Variants in LDHC observed in about 807,000 individuals in gnomAD.
LDHC encodes the protein L-lactate dehydrogenase C chain.
A neutral mutation model predicts 30.2 loss-of-function variants in LDHC; 20 were observed. The ratio of observed to expected loss-of-function variants is 0.66; its 90% CI spans 0.47 to 0.96. The LOEUF is 0.96. Among genes scored for constraint, LDHC ranks in the 40% least tolerant of loss-of-function variants. The pLI is 0.00. For synonymous variants in LDHC, 139 were observed against 132.7 expected, an observed-to-expected ratio of 1.05 and a Z score of -0.32; for missense variants, 362 against 394.9, an observed-to-expected ratio of 0.92 and a Z score of 0.71.
intron 3 of LDHC, among the ~76,000 whole-genome samples, chr11:18,415,540 T>C (rs1385147641): frequency 6.6e-6 from 1 of 152,198 alleles, no homozygotes; most frequent in Non-Finnish European, 1.5e-5. Flanking sequence ...CAAGTGATTC[T>C]CCTGCCTCGG....
rs559881652 is a variant in LDHC, at chr11:18,451,538, A to G, written c.*411A>G. ...ATATTCACTTCATTACATTAGCGTC[A>G]TATGTTTATGTATAATCATTATAAA... On this transcript the variant is annotated 3_prime_UTR_variant, in exon 8 of 8. Transcript: ENST00000541669. 1 of 152,712 alleles carries G rather than the reference A, an allele frequency of 6.5e-6. No individual in the cohort carries two copies. The highest frequency in any genetic ancestry group is 1.5e-5 in the Non-Finnish European group (1 of 68,440). The allele number at this position is 152,712 out of a possible 1,614,324, so 9.5% of individuals were successfully genotyped here.
intron 3 of LDHC, among the ~76,000 whole-genome samples, chr11:18,428,403 G>A (rs1022048145): frequency 4.0e-5 from 6 of 151,360 alleles, no homozygotes; most frequent in East Asian, 2.0e-4. Flanking sequence ...CAAGTGATCC[G>A]CCAGCCTCAG....
chr11:18,440,768 A>G (rs571283722), intron 6 of LDHC, among the ~76,000 whole-genome samples: 2 of 125,550 alleles, frequency 1.6e-5, no homozygotes, highest in Non-Finnish European at 3.3e-5. Context: ...GTCTCCACAA[A>G]AAATTTTAAA....
At chr11:18,426,134 G>A (rs1848158870) in intron 3 of LDHC, among the ~76,000 whole-genome samples, 1 of 151,744 alleles carries the variant, frequency 6.6e-6, no homozygotes, top group Admixed American at 6.6e-5. Context: ...TCTTGATTCA[G>A]CTTCCTAAGT....
At position 18,446,330 on chromosome 11, in the gene LDHC, TA is replaced by T; in HGVS notation, c.833del (p.Lys278ArgfsTer6). 1 of 1,601,338 alleles carries T rather than the reference TA, an allele frequency of 6.2e-7. No homozygotes were observed. Among genetic ancestry groups the T allele is most frequent in the Non-Finnish European group, 8.6e-7 (1 of 1,168,782 alleles). On this transcript the variant is annotated frameshift_variant and splice_region_variant, in exon 7 of 8. Coordinates refer to ENST00000541669, the MANE Select transcript of LDHC (RefSeq NM_017448.5). LOFTEE classifies it low-confidence loss of function (END_TRUNC). The stretch of plus-strand genomic sequence containing the variant: ...GAGTGCACCCAGTTTCCACCATGGT[TA>T]AGGTAGGCTTAAATTAAATCTTCAT... ...RRVHPVSTMV[K>X]GLYGIKEELF...
intron 3 of LDHC, among the ~76,000 whole-genome samples, chr11:18,416,482 T>C (rs1183005883): frequency 2.0e-5 from 3 of 152,224 alleles, no homozygotes; most frequent in Non-Finnish European, 4.4e-5. Context: ...AGCCCTCTTA[T>C]CTAACATGAT....
chr11:18,419,911 G>C (rs1213186509), intron 3 of LDHC, among the ~76,000 whole-genome samples: 1 of 152,108 alleles, frequency 6.6e-6, no homozygotes, highest in Non-Finnish European at 1.5e-5. Context: ...GGCCAACATG[G>C]TGAAAACCTG....
intron 7 of LDHC, among the ~76,000 whole-genome samples, chr11:18,447,482 CGGGAGT>C (rs1323036987): frequency 3.3e-5 from 5 of 151,752 alleles, no homozygotes; most frequent in African/African-American, 1.2e-4. Context: ...AGTAGGATAA[CGGGAGT>C]GGGAGCAGAA....
At chr11:18,441,484 T>C (rs1848465293) in intron 6 of LDHC, among the ~76,000 whole-genome samples, 1 of 151,868 alleles carries the variant, frequency 6.6e-6, no homozygotes, top group African/African-American at 2.4e-5. Context: ...AATTTTTGTA[T>C]TTTTAGTAGA....
rs762476748 is a variant in LDHC, at chr11:18,438,614, T to G, written c.679T>G (p.Trp227Gly). Reference protein sequence around the residue: ...KLGTDSDKEHWKNIHKQVIQS... With the variant: ...KLGTDSDKEHGKNIHKQVIQS... ...AGGAACGGATTCAGATAAGGAACAC[T>G]GGAAAAATATCCATAAACAAGTTAT... Residue 227 changes from tryptophan (W) to glycine (G), a missense_variant, in exon 6 of 8, where the codon TGG (tryptophan) becomes GGG (glycine). Transcript: ENST00000541669. 1.9e-6 allele frequency: 3 copies of G among 1,607,572 alleles called. No homozygotes were observed. The South Asian group carries it at 3.3e-5, about 18-fold the overall frequency.
chr11:18,447,029 G>A (rs774708286), intron 7 of LDHC, among the ~76,000 whole-genome samples: 1 of 152,110 alleles, frequency 6.6e-6, no homozygotes, highest in Non-Finnish European at 1.5e-5. Context: ...ATAGTTGTAG[G>A]CATTACCCCT....
At chr11:18,426,094 C>T (rs1326903585) in intron 3 of LDHC, among the ~76,000 whole-genome samples, 3 of 151,486 alleles carry the variant, frequency 2.0e-5, no homozygotes, top group Non-Finnish European at 4.4e-5. Context: ...CAGTGCACTG[C>T]AGCCTCTAAC....
At chr11:18,441,458 G>A (rs577128889) in intron 6 of LDHC, among the ~76,000 whole-genome samples, 143 of 151,864 alleles carry the variant, frequency 9.4e-4, no homozygotes, top group Non-Finnish European at 1.8e-3. Flanking sequence ...ACAAGCACGC[G>A]CCACCATGCT....
chr11:18,444,527 C>T (rs560299665), intron 6 of LDHC, among the ~76,000 whole-genome samples: 116 of 146,854 alleles, frequency 7.9e-4, no homozygotes, highest in Admixed American at 1.1e-3. Context: ...TGATAGTGGC[C>T]CTGATTTTGG....
chr11:18,449,286 G>GA (rs950016361), intron 7 of LDHC, among the ~76,000 whole-genome samples: 1 of 151,740 alleles, frequency 6.6e-6, no homozygotes, highest in Non-Finnish European at 1.5e-5. Context: ...AAAATGAAAA[G>GA]AAAAATAGCC....
intron 3 of LDHC, 144 bp from the exon 4 acceptor site, chr11:18,429,593 G>A (rs1848228810): frequency 2.2e-6 from 1 of 463,902 alleles, no homozygotes; most frequent in Non-Finnish European, 3.7e-6. Flanking sequence ...GGTTAGAAAA[G>A]TCCGTTCATC....
At chr11:18,435,030 AT>A (rs1169895164) in intron 5 of LDHC, 117 bp downstream of exon 5, 2 of 607,274 alleles carry the variant, frequency 3.3e-6, no homozygotes, top group Non-Finnish European at 5.4e-6. Flanking sequence ...TTTTTTTGGT[AT>A]TTCCCTGGTG....
Position 18,451,189 on chromosome 11 carries a change from A to T in LDHC, c.*62A>T. On this transcript the variant is annotated 3_prime_UTR_variant, in exon 8 of 8. Transcript: ENST00000541669. ...GAAGATAGCAGGCTGTGTATTTTAA[A>T]TTTTGAAAGTATTTTCATTTGATCT... is the stretch of plus-strand genomic sequence containing the variant. The T allele has an allele frequency of 4.6e-6, 5 of 1,098,370 alleles. No individual in the cohort carries two copies. The highest frequency in any genetic ancestry group is 6.2e-6 in the Non-Finnish European group (5 of 800,056). The allele number at this position is 1,098,370 out of a possible 1,614,324, so 68.0% of individuals were successfully genotyped here. A position where few individuals can be genotyped will look rare whatever the true frequency, so the allele number is the denominator to read the frequency against.
chr11:18,417,565 T>C (rs1867046013), intron 3 of LDHC, among the ~76,000 whole-genome samples: 1 of 152,108 alleles, frequency 6.6e-6, no homozygotes, highest in African/African-American at 2.4e-5. Context: ...AGCTAATTTT[T>C]AAGAAATTAT....
Sources: allele counts gnomAD v4.1 joint callset (sites outside exome capture counted in the v4.1 genomes callset), GRCh38; gene constraint gnomAD v4.1.1; transcripts MANE v1.5; gene names NCBI Gene and HGNC (gene_info 2026-07-23, HGNC 2026-07-21).